Variants in SPECC1 observed in about 807,000 individuals in gnomAD.
SPECC1 encodes the protein sperm antigen with calponin homology and coiled-coil domains 1.
A neutral mutation model predicts 104.1 loss-of-function variants in SPECC1; 62 were observed. The observed-to-expected ratio is 0.60, with a 90% confidence interval of 0.49 to 0.74. The LOEUF (loss-of-function observed/expected upper bound fraction) is 0.74, where lower values mean the gene tolerates loss of function less well. Among genes scored for constraint, SPECC1 ranks in the 30% least tolerant of loss-of-function variants. The pLI is 0.00. For missense variants in SPECC1, 1,306 were observed against 1,310.5 expected (o/e 1.00, Z 0.05); for synonymous variants, 513 against 501.6 (o/e 1.02, Z -0.30).
At chr17:20,063,000 C>G (rs1013618531) in intron 1 of SPECC1, among the ~76,000 whole-genome samples, 5 of 152,028 alleles carry the variant, frequency 3.3e-5, no homozygotes, top group African/African-American at 1.2e-4. Flanking sequence ...GAAACGCATT[C>G]TTATAAAAAG....
intron 3 of SPECC1, among the ~76,000 whole-genome samples, chr17:20,140,214 T>G (rs778401066): frequency 3.3e-5 from 5 of 152,228 alleles, no homozygotes; most frequent in Non-Finnish European, 4.4e-5. Flanking sequence ...AACTGCACAT[T>G]TGTTCACTCA....
At chr17:20,146,209 G>A (rs1022571718) in intron 3 of SPECC1, among the ~76,000 whole-genome samples, 4 of 152,130 alleles carry the variant, frequency 2.6e-5, no homozygotes, top group Admixed American at 6.6e-5. Context: ...TGCTCCACCC[G>A]TTCATCCTTC....
At chr17:20,216,316 C>G (rs1425951013) in intron 4 of SPECC1, among the ~76,000 whole-genome samples, 1 of 152,072 alleles carries the variant, frequency 6.6e-6, no homozygotes, top group Non-Finnish European at 1.5e-5. Context: ...TGGAGATGCC[C>G]GAGGCCCATT....
At chr17:20,242,428 G>C (rs947454583) in intron 7 of SPECC1, among the ~76,000 whole-genome samples, 1 of 152,226 alleles carries the variant, frequency 6.6e-6, no homozygotes, top group African/African-American at 2.4e-5. Flanking sequence ...TGGAGACACT[G>C]TCTGCTTATG....
chr17:20,239,827 G>T (rs2039109644), intron 7 of SPECC1, among the ~76,000 whole-genome samples: 1 of 148,238 alleles, frequency 6.7e-6, no homozygotes. Context: ...TTTGCCAATA[G>T]GATAATCAAA....
intron 12 of SPECC1, among the ~76,000 whole-genome samples, chr17:20,261,916 C>T (rs2040038926): frequency 6.6e-6 from 1 of 152,236 alleles, no homozygotes; most frequent in African/African-American, 2.4e-5. Flanking sequence ...CAGACCCTTC[C>T]TATGACTTTC....
chr17:20,265,529 C>G (rs1674368297), intron 12 of SPECC1, among the ~76,000 whole-genome samples: 1 of 151,966 alleles, frequency 6.6e-6, no homozygotes, highest in South Asian at 2.1e-4. Flanking sequence ...ATATTTCTTC[C>G]CATTCTATGG....
At chr17:20,302,869 G>A (rs2041634317) in intron 13 of SPECC1, among the ~76,000 whole-genome samples, 1 of 117,994 alleles carries the variant, frequency 8.5e-6, no homozygotes, top group African/African-American at 3.6e-5. Flanking sequence ...CTGCAGTAGT[G>A]AGCCCATCTA....
At chr17:20,040,532 AT>A (rs2045282375) in intron 1 of SPECC1, among the ~76,000 whole-genome samples, 1 of 151,778 alleles carries the variant, frequency 6.6e-6, no homozygotes, top group Admixed American at 6.6e-5. Flanking sequence ...ATATTCTCTT[AT>A]TTTGCTTTAT....
chr17:20,238,012 G>T (rs897769794), intron 7 of SPECC1: 1 of 1,018,044 alleles, frequency 9.8e-7, no homozygotes, highest in East Asian at 6.6e-5. Context: ...AAAGTGCTGG[G>T]ATTACAGGCT....
chr17:20,255,669 G>C (rs1459252310), intron 10 of SPECC1, among the ~76,000 whole-genome samples: 1 of 151,908 alleles, frequency 6.6e-6, no homozygotes, highest in Admixed American at 6.6e-5. Context: ...GGCCTCAAAT[G>C]ATCCTCCTGC....
intron 1 of SPECC1, among the ~76,000 whole-genome samples, chr17:20,040,864 T>C (rs9897607): frequency 0.069 from 10,511 of 152,186 alleles, 988 homozygotes; most frequent in African/African-American, 0.21. Flanking sequence ...CTTGCCAAAT[T>C]TGGGAAGTTT....
At chr17:20,277,278 G>A (rs1002695934) in intron 12 of SPECC1, among the ~76,000 whole-genome samples, 10 of 152,156 alleles carry the variant, frequency 6.6e-5, no homozygotes, top group African/African-American at 2.4e-4. Context: ...ACATGACCAA[G>A]CAGAACTCCT....
chr17:20,156,323 G>A, intron 3 of SPECC1: 2 of 1,276,998 alleles, frequency 1.6e-6, no homozygotes, highest in South Asian at 4.5e-5. Context: ...GGCTCGCGGC[G>A]CCGACTGGGG....
At chr17:20,156,706 C>T (rs914592671) in intron 3 of SPECC1, among the ~76,000 whole-genome samples, 1 of 152,114 alleles carries the variant, frequency 6.6e-6, no homozygotes, top group Admixed American at 6.5e-5. Flanking sequence ...CAGAATAGTC[C>T]GTGCTTGTTC....
intron 1 of SPECC1, among the ~76,000 whole-genome samples, chr17:20,044,540 T>C (rs1485027863): frequency 1.3e-5 from 2 of 152,192 alleles, no homozygotes; most frequent in African/African-American, 4.8e-5. Flanking sequence ...TGAATTAAGA[T>C]ATAATAAGAA....
At chr17:20,090,158 T>C (rs2047341150) in intron 1 of SPECC1, among the ~76,000 whole-genome samples, 1 of 152,208 alleles carries the variant, frequency 6.6e-6, no homozygotes, top group South Asian at 2.1e-4. Flanking sequence ...GCAGGTTTCC[T>C]GGGCCTCCTG....
chr17:20,059,039 A>G (rs1275943400), intron 1 of SPECC1, among the ~76,000 whole-genome samples: 2 of 150,494 alleles, frequency 1.3e-5, no homozygotes, highest in Admixed American at 1.3e-4. Flanking sequence ...ACGGGGTTTC[A>G]CCGTTTTAGC....
chr17:20,105,137 G>A (rs72830141), intron 2 of SPECC1, among the ~76,000 whole-genome samples: 10,872 of 151,452 alleles, frequency 0.072, 425 homozygotes, highest in Non-Finnish European at 0.081. Context: ...TTGCTCTGTT[G>A]CCCATACTGG....
Sources: gnomAD v4.1 joint callset for allele counts (sites outside exome capture counted in the v4.1 genomes callset) on GRCh38, gnomAD v4.1.1 for gene constraint, MANE v1.5 for transcripts, NCBI Gene and HGNC (gene_info 2026-07-23, HGNC 2026-07-21) for gene names.